The following KICS2 variants were observed in gnomAD, a reference collection of about 807,000 sequenced individuals.
The protein encoded by KICS2 is KICSTOR complex protein C12orf66.
KICS2 carries 13 observed loss-of-function variants against 31.4 expected under a neutral mutation model. The observed-to-expected ratio is 0.41, with a 90% CI of 0.27 to 0.66. The LOEUF (loss-of-function observed/expected upper bound fraction) is 0.66, where lower values mean the gene tolerates loss of function less well. Among genes scored for constraint, KICS2 ranks in the 30% least tolerant of loss-of-function variants. The pLI, the probability that KICS2 is intolerant of heterozygous loss-of-function variation, is 0.28. For synonymous variants in KICS2, 209 were observed against 214.8 expected (o/e 0.97, Z 0.24); for missense variants, 455 against 545.4 (o/e 0.83, Z 1.65).
chr12:64,191,035 A>T (rs970845770), downstream of KICS2: 2 of 152,230 alleles, frequency 1.3e-5, no homozygotes, highest in Non-Finnish European at 2.9e-5. Context: ...AAACTTATCA[A>T]GTTGTGGTTT....
intron 2 of KICS2, among the ~76,000 whole-genome samples, chr12:64,210,465 G>A (rs2037572844): frequency 6.6e-6 from 1 of 152,128 alleles, no homozygotes; most frequent in South Asian, 2.1e-4. Context: ...GTTTAAAGAT[G>A]ATAGGGCCTG....
At chr12:64,189,291 T>C (rs1200562497), downstream of KICS2, among the ~76,000 whole-genome samples, 1 of 152,218 alleles carries the variant, frequency 6.6e-6, no homozygotes, top group Non-Finnish European at 1.5e-5. Flanking sequence ...TTCTGGCTAA[T>C]AATGAGAAAA....
chr12:64,202,115 G>C (rs1455342536), intron 2 of KICS2, among the ~76,000 whole-genome samples: 3 of 152,102 alleles, frequency 2.0e-5, no homozygotes, highest in African/African-American at 7.3e-5. Context: ...ATGTATAAAA[G>C]TTTTTGACGC....
intron 2 of KICS2, among the ~76,000 whole-genome samples, chr12:64,196,436 G>A (rs1423543991): frequency 2.3e-4 from 35 of 149,526 alleles, no homozygotes; most frequent in East Asian, 5.9e-4. Context: ...CATCCACACC[G>A]AAAACCCATC....
chr12:64,189,682 C>A (rs771655868), downstream of KICS2, among the ~76,000 whole-genome samples: 2 of 152,068 alleles, frequency 1.3e-5, no homozygotes, highest in Non-Finnish European at 2.9e-5. Flanking sequence ...CACACACACA[C>A]ACACACCACA....
intron 1 of KICS2, chr12:64,221,709 T>C (rs1200672258): frequency 2.0e-6 from 1 of 499,188 alleles, no homozygotes; most frequent in Non-Finnish European, 3.6e-6. Context: ...TTTGGTTAAC[T>C]TCTCATTTAT....
intron 2 of KICS2, among the ~76,000 whole-genome samples, chr12:64,195,035 G>A (rs1044949963): frequency 6.6e-6 from 1 of 151,502 alleles, no homozygotes; most frequent in East Asian, 1.9e-4. Flanking sequence ...CTCAGTTCCT[G>A]GGCTCAAGTG....
intron 2 of KICS2, among the ~76,000 whole-genome samples, chr12:64,206,450 G>A (rs978139577): frequency 4.6e-5 from 7 of 152,102 alleles, no homozygotes; most frequent in African/African-American, 9.7e-5. Context: ...TGCCCCACTG[G>A]ACCTTCCATG....
chr12:64,187,434 T>C (rs115154388), downstream of KICS2: 843 of 578,986 alleles, frequency 1.5e-3, 9 homozygotes, highest in African/African-American at 0.014. Context: ...GGTTTTAAAT[T>C]TGAAGTACCC....
At chr12:64,199,363 C>T (rs2037467958) in intron 2 of KICS2, among the ~76,000 whole-genome samples, 1 of 69,946 alleles carries the variant, frequency 1.4e-5, no homozygotes, top group South Asian at 6.2e-4. Flanking sequence ...ACATGATTAT[C>T]TCAATAGATG....
At chr12:64,196,486 C>T (rs2037440092) in intron 2 of KICS2, among the ~76,000 whole-genome samples, 1 of 150,414 alleles carries the variant, frequency 6.6e-6, no homozygotes, top group South Asian at 2.1e-4. Context: ...TAGATAAAAC[C>T]ACAACGATGG....
chr12:64,195,452 T>C (rs1325865985), intron 2 of KICS2, among the ~76,000 whole-genome samples: 1 of 152,186 alleles, frequency 6.6e-6, no homozygotes, highest in Non-Finnish European at 1.5e-5. Context: ...GTACCTACTA[T>C]AAGCTTATAT....
intron 2 of KICS2, among the ~76,000 whole-genome samples, chr12:64,209,508 C>A (rs564044735): frequency 2.6e-5 from 4 of 152,208 alleles, no homozygotes; most frequent in African/African-American, 9.6e-5. Flanking sequence ...TCGCTTGAAC[C>A]CAGGAGGCGG....
chr12:64,187,644 A>C, downstream of KICS2: 1 of 1,535,994 alleles, frequency 6.5e-7, no homozygotes, highest in East Asian at 2.4e-5. Context: ...TTGCATTGGT[A>C]ACAGGAACCT....
At chr12:64,190,740 C>T (rs2037372188), downstream of KICS2, among the ~76,000 whole-genome samples, 1 of 150,470 alleles carries the variant, frequency 6.6e-6, no homozygotes, top group Non-Finnish European at 1.5e-5. Context: ...CAGACCTTGC[C>T]TTTTCAAAAA....
chr12:64,202,667 T>C (rs1276452804), intron 2 of KICS2, among the ~76,000 whole-genome samples: 1 of 148,680 alleles, frequency 6.7e-6, no homozygotes, highest in African/African-American at 2.4e-5. Flanking sequence ...TGATATTTTC[T>C]AATATATATT....
downstream of KICS2, chr12:64,187,472 G>A (rs2037347055): frequency 1.5e-6 from 1 of 668,420 alleles, no homozygotes; most frequent in Non-Finnish European, 2.5e-6. Context: ...ATCAAAAGCA[G>A]ATTGAAAAAA....
At chr12:64,215,559 G>A (rs2037619873) in intron 2 of KICS2, 119 bp downstream of exon 2, 2 of 929,798 alleles carry the variant, frequency 2.2e-6, no homozygotes, top group South Asian at 3.5e-5. Flanking sequence ...ATGTAATCCA[G>A]TTATTTATTT....
downstream of KICS2, chr12:64,186,488 G>A (rs190524747): frequency 3.0e-4 from 45 of 152,204 alleles, no homozygotes; most frequent in African/African-American, 9.6e-4. Flanking sequence ...AATGGAAAAT[G>A]GTAGCTATCA....
Sources: gnomAD v4.1 joint callset for allele counts (sites outside exome capture counted in the v4.1 genomes callset) on GRCh38, gnomAD v4.1.1 for gene constraint, MANE v1.5 for transcripts, NCBI Gene and HGNC (gene_info 2026-07-23, HGNC 2026-07-21) for gene names.